GHR: variants seen among roughly 807,000 people sequenced by gnomAD.
The protein encoded by GHR is GH receptor.
GHR carries 35 observed loss-of-function variants against 67.1 expected under a neutral mutation model. The ratio of observed to expected loss-of-function variants is 0.52; its 90% CI spans 0.40 to 0.69. The LOEUF (loss-of-function observed/expected upper bound fraction) is 0.69, where lower values mean the gene tolerates loss of function less well. Among genes scored for constraint, GHR ranks in the 30% least tolerant of loss-of-function variants. The pLI is 0.00. For synonymous variants in GHR, 272 were observed against 269.1 expected, an observed-to-expected ratio of 1.01 and a Z score of -0.10; for missense variants, 792 against 764.6, an observed-to-expected ratio of 1.04 and a Z score of -0.42.
At chr5:42,478,869 C>T (rs575801933) in intron 1 of GHR, among the ~76,000 whole-genome samples, 4 of 152,212 alleles carry the variant, frequency 2.6e-5, no homozygotes, top group African/African-American at 7.2e-5. Context: ...AATTGAATAC[C>T]CTTTATTTCC....
At chr5:42,679,561 G>A (rs1195403808) in intron 3 of GHR, among the ~76,000 whole-genome samples, 3 of 151,868 alleles carry the variant, frequency 2.0e-5, no homozygotes, top group Non-Finnish European at 4.4e-5. Context: ...GGAGGTGGAG[G>A]TTGCAGTGAG....
intron 2 of GHR, among the ~76,000 whole-genome samples, chr5:42,609,275 A>AG (rs1297545529): frequency 3.9e-5 from 6 of 152,146 alleles, no homozygotes; most frequent in African/African-American, 1.4e-4. Flanking sequence ...AGAGGCATGG[A>AG]GGGGACAGGT....
chr5:42,476,896 T>C, intron 1 of GHR, among the ~76,000 whole-genome samples: 1 of 152,316 alleles, frequency 6.6e-6, no homozygotes. Flanking sequence ...TTTATTATTA[T>C]AATACTTTAA....
intron 5 of GHR, 134 bp downstream of exon 5, chr5:42,695,223 G>T: frequency 1.4e-6 from 1 of 712,752 alleles, no homozygotes; most frequent in Non-Finnish European, 2.5e-6. Context: ...CTGTTTTACA[G>T]GAGATGGGAT....
intron 1 of GHR, among the ~76,000 whole-genome samples, chr5:42,477,055 C>A (rs1296088339): frequency 7.6e-6 from 1 of 132,164 alleles, no homozygotes; most frequent in African/African-American, 2.8e-5. Flanking sequence ...ACAACAGTCC[C>A]CAGTGTGTGA....
chr5:42,510,047 C>T (rs974376456), intron 1 of GHR, among the ~76,000 whole-genome samples: 2 of 152,158 alleles, frequency 1.3e-5, no homozygotes, highest in East Asian at 1.9e-4. Flanking sequence ...TGTACTGAAT[C>T]GATCACCCCC....
chr5:42,529,134 C>A (rs1317396340), intron 1 of GHR, among the ~76,000 whole-genome samples: 1 of 151,884 alleles, frequency 6.6e-6, no homozygotes, highest in Non-Finnish European at 1.5e-5. Context: ...GCCTCAGCCT[C>A]CCGAGTAGCT....
chr5:42,706,629 C>T (rs1391462776), intron 6 of GHR, among the ~76,000 whole-genome samples: 1 of 152,052 alleles, frequency 6.6e-6, no homozygotes, highest in Non-Finnish European at 1.5e-5. Context: ...TACCCAGCAC[C>T]ATTTATTAAA....
chr5:42,547,872 T>C (rs1408896256), intron 1 of GHR, among the ~76,000 whole-genome samples: 6 of 152,246 alleles, frequency 3.9e-5, no homozygotes, highest in Admixed American at 3.3e-4. Flanking sequence ...TACAATGTGC[T>C]ATCTTCTGGG....
intron 8 of GHR, among the ~76,000 whole-genome samples, chr5:42,717,453 C>G (rs1481203135): frequency 1.3e-5 from 2 of 152,050 alleles, no homozygotes; most frequent in African/African-American, 4.8e-5. Flanking sequence ...TATATATAAA[C>G]CCATACTGAT....
intron 1 of GHR, among the ~76,000 whole-genome samples, chr5:42,539,563 G>A (rs922257102): frequency 6.6e-6 from 1 of 152,192 alleles, no homozygotes; most frequent in Non-Finnish European, 1.5e-5. Context: ...CACAGTATTT[G>A]GGGTGTCTCC....
At chr5:42,678,990 A>AG (rs1756703403) in intron 3 of GHR, among the ~76,000 whole-genome samples, 1 of 146,748 alleles carries the variant, frequency 6.8e-6, no homozygotes, top group African/African-American at 2.5e-5. Flanking sequence ...TAATAATATA[A>AG]TTAATATGAA....
intron 1 of GHR, among the ~76,000 whole-genome samples, chr5:42,456,954 G>A (rs1400161829): frequency 1.3e-5 from 2 of 152,094 alleles, no homozygotes; most frequent in African/African-American, 4.8e-5. Flanking sequence ...TCATTTTCTG[G>A]GCATTTTTAA....
At chr5:42,615,642 G>A (rs1469514385) in intron 2 of GHR, among the ~76,000 whole-genome samples, 1 of 151,690 alleles carries the variant, frequency 6.6e-6, no homozygotes. Context: ...GTGTCTGGTT[G>A]TGAATAGTCA....
At chr5:42,691,891 C>T (rs1344986815) in intron 4 of GHR, among the ~76,000 whole-genome samples, 1 of 152,218 alleles carries the variant, frequency 6.6e-6, no homozygotes, top group African/African-American at 2.4e-5. Flanking sequence ...GATGAATGCA[C>T]ATTACAGGCA....
At chr5:42,532,061 T>C (rs985442202) in intron 1 of GHR, among the ~76,000 whole-genome samples, 1 of 151,818 alleles carries the variant, frequency 6.6e-6, no homozygotes, top group Admixed American at 6.6e-5. Flanking sequence ...CCTGACAATA[T>C]CACATATGAT....
intron 3 of GHR, among the ~76,000 whole-genome samples, chr5:42,687,425 C>G (rs1757214265): frequency 6.6e-6 from 1 of 152,126 alleles, no homozygotes; most frequent in South Asian, 2.1e-4. Flanking sequence ...GCTTATTTTT[C>G]TACATAGGAT....
rs899745873 is a variant in GHR, at chr5:42,560,485, C to T, written c.-11-5379C>T. Among the ~76,000 whole-genome samples the T allele has an allele frequency of 2.6e-5, 4 of 152,198 alleles. No individual in the cohort carries two copies. The South Asian group carries it at 8.3e-4, about 32-fold the overall frequency. On this transcript the variant is annotated intron_variant, in intron 1 of 9. Coordinates refer to ENST00000230882, the MANE Select transcript of GHR (RefSeq NM_000163.5). Reference sequence around the variant, plus strand: ...GGGATTACAGGTGTAAGCCACCACGCCTGGCCAATACACTTTTAATATAAT... The same window carrying T: ...GGGATTACAGGTGTAAGCCACCACGTCTGGCCAATACACTTTTAATATAAT...
At chr5:42,626,694 C>T (rs541472433) in intron 2 of GHR, among the ~76,000 whole-genome samples, 2 of 152,162 alleles carry the variant, frequency 1.3e-5, no homozygotes, top group Non-Finnish European at 2.9e-5. Context: ...AACTCATTAG[C>T]ATACGAAAGA....
Sources: allele counts gnomAD v4.1 joint callset (sites outside exome capture counted in the v4.1 genomes callset), GRCh38; gene constraint gnomAD v4.1.1; transcripts MANE v1.5; gene names NCBI Gene and HGNC (gene_info 2026-07-23, HGNC 2026-07-21).